STX2: variants seen among roughly 807,000 people sequenced by gnomAD.
STX2 encodes the protein syntaxin 2, also known as syntaxin-2.
Under a neutral mutation model 40.6 loss-of-function variants are expected in STX2, and 27 were observed. The observed-to-expected ratio is 0.66, with a 90% CI of 0.49 to 0.92. STX2 has a LOEUF of 0.92. Ranked by LOEUF, STX2 falls within the 40% of genes least tolerant of loss-of-function variation. The probability of loss-of-function intolerance (pLI) is 0.00; values close to 1 mark genes in which losing one functional copy is unlikely to be tolerated. For synonymous variants in STX2, 123 were observed against 119.1 expected (o/e 1.03, Z -0.22); for missense variants, 328 against 366.1 (o/e 0.90, Z 0.85).
intron 1 of STX2, among the ~76,000 whole-genome samples, chr12:130,828,867 CAAAAA>C (rs71451381): frequency 8.2e-6 from 1 of 121,610 alleles, no homozygotes; most frequent in African/African-American, 3.3e-5. Context: ...GACTCTGTCT[CAAAAA>C]AAAAAAAAAG....
At chr12:130,830,466 G>A (rs1187545352) in intron 1 of STX2, among the ~76,000 whole-genome samples, 4 of 152,114 alleles carry the variant, frequency 2.6e-5, no homozygotes, top group African/African-American at 9.7e-5. Flanking sequence ...CCACGGCACG[G>A]GCGGATTTTT....
chr12:130,836,908 G>A (rs772307739), intron 1 of STX2, among the ~76,000 whole-genome samples: 8 of 152,180 alleles, frequency 5.3e-5, no homozygotes, highest in Non-Finnish European at 1.2e-4. Flanking sequence ...TAGCTCTGCC[G>A]TTCTAGAACA....
At chr12:130,799,862 T>C (rs1951160328) in intron 8 of STX2, among the ~76,000 whole-genome samples, 1 of 151,704 alleles carries the variant, frequency 6.6e-6, no homozygotes, top group African/African-American at 2.4e-5. Flanking sequence ...TCACACACAT[T>C]CTCATTATAA....
chr12:130,824,206 G>A lies in STX2; in HGVS notation c.106-2418C>T, dbSNP rs577114854. 1.1e-3 allele frequency among the ~76,000 whole-genome samples: 169 copies of A among 152,204 alleles called. 1 individual carries two copies. Among genetic ancestry groups the A allele is most frequent in the African/African-American group, 3.7e-3 (154 of 41,536 alleles). Reference sequence around the variant, plus strand: ...AAAGTTCAAAACCAGCCTGGCCAGCGTGGCAAAATGCCGTCTCTACTAAAA... The same window carrying A: ...AAAGTTCAAAACCAGCCTGGCCAGCATGGCAAAATGCCGTCTCTACTAAAA... On this transcript the variant is annotated intron_variant, in intron 2 of 10. Transcript: ENST00000392373.
intron 3 of STX2, among the ~76,000 whole-genome samples, chr12:130,818,120 GCAGGGGAGGGGA>G (rs1447512804): frequency 6.2e-5 from 9 of 144,892 alleles, no homozygotes; most frequent in Non-Finnish European, 1.0e-4. Context: ...CCCATGCCCT[GCAGGGGAGGGGA>G]CAGGAGAGGG....
chr12:130,837,429 G>T (rs80297875), intron 1 of STX2, among the ~76,000 whole-genome samples: 1 of 152,090 alleles, frequency 6.6e-6, no homozygotes, highest in African/African-American at 2.4e-5. Context: ...GAGTAGCTGG[G>T]ACTACAGGTG....
rs372661767 is a variant in STX2, at chr12:130,818,034, G to A, written c.205+3655C>T. On this transcript the variant is annotated intron_variant, in intron 3 of 10. Transcript: ENST00000392373. The stretch of plus-strand genomic sequence containing the variant: ...AGGCCCTGCAGTGGGAGGGGATGCC[G>A]GAGCCTGGCCACGCAGCTCCTTACG... Among the ~76,000 whole-genome samples, 44 of 151,616 alleles carry A rather than the reference G, an allele frequency of 2.9e-4. 1 individual carries two copies. The highest frequency in any genetic ancestry group is 1.0e-3 in the African/African-American group (43 of 41,220).
At chr12:130,826,424 G>GC (rs572464991) in intron 2 of STX2, among the ~76,000 whole-genome samples, 58 of 152,310 alleles carry the variant, frequency 3.8e-4, no homozygotes, top group Non-Finnish European at 5.6e-4. Context: ...CGGTGCTCCT[G>GC]CAGCAGCCAG....
At chr12:130,825,282 C>T (rs1219850917) in intron 2 of STX2, among the ~76,000 whole-genome samples, 1 of 152,142 alleles carries the variant, frequency 6.6e-6, no homozygotes, top group African/African-American at 2.4e-5. Context: ...GGTGATCCAC[C>T]CACCTCGGAC....
Position 130,808,633 on chromosome 12 carries a change from G to A in STX2, c.352C>T (p.Gln118Ter). ...TCTAAACGAGGCTGATAGCAAACCT[G>A]GGTTCTTCGTATCCGAAGATCCACT... is the stretch of plus-strand genomic sequence containing the variant. ...TSVDLRIRRT[Q>*]HSVLSRKFVE... Residue 118 changes from glutamine to a stop codon, truncating the protein, a stop_gained and splice_region_variant, in exon 5 of 11, where the codon CAG becomes TAG. Coordinates refer to ENST00000392373, the MANE Select transcript of STX2 (RefSeq NM_194356.4). LOFTEE classifies it high-confidence loss of function. 1 of 1,612,696 alleles carries A rather than the reference G, an allele frequency of 6.2e-7. No individual in the cohort carries two copies. Among genetic ancestry groups the A allele is most frequent in the Non-Finnish European group, 8.5e-7 (1 of 1,179,588 alleles).
At position 130,791,624 on chromosome 12, in the gene STX2, T is replaced by G. The variant is rs187867040; in HGVS notation, c.*399A>C. 134 of 294,186 alleles carry G rather than the reference T, an allele frequency of 4.6e-4. No homozygotes were observed. The highest frequency in any genetic ancestry group is 2.8e-3 in the African/African-American group (130 of 46,246). The allele number at this position is 294,186 out of a possible 1,614,324, so 18.2% of individuals were successfully genotyped here. A position where few individuals can be genotyped will look rare whatever the true frequency, so the allele number is the denominator to read the frequency against. On this transcript the variant is annotated 3_prime_UTR_variant, in exon 11 of 11. Coordinates refer to ENST00000392373, the MANE Select transcript of STX2 (RefSeq NM_194356.4). ...TGAAATATTTTTAATATTAAAATGTTCAATATTTTCTTATTTCAAGGCCAG... is the reference window on the plus strand; with the variant it reads ...TGAAATATTTTTAATATTAAAATGTGCAATATTTTCTTATTTCAAGGCCAG...
intron 1 of STX2, among the ~76,000 whole-genome samples, chr12:130,829,844 G>A (rs1952489180): frequency 6.6e-6 from 1 of 152,140 alleles, no homozygotes; most frequent in African/African-American, 2.4e-5. Flanking sequence ...GGGTGGGGAG[G>A]AGGGGTGGAG....
At chr12:130,826,148 G>A (rs1952294555) in intron 2 of STX2, among the ~76,000 whole-genome samples, 1 of 152,188 alleles carries the variant, frequency 6.6e-6, no homozygotes, top group South Asian at 2.1e-4. Context: ...CAGCTGATCT[G>A]TCACCGATTT....
chr12:130,791,701 G>A lies in STX2; in HGVS notation c.*322C>T, dbSNP rs539745768. 145 of 527,288 alleles carry A rather than the reference G, an allele frequency of 2.7e-4. No individual in the cohort carries two copies. The highest frequency in any genetic ancestry group is 4.6e-4 in the Non-Finnish European group (137 of 298,040). The allele number at this position is 527,288 out of a possible 1,614,324, so 32.7% of individuals were successfully genotyped here. On this transcript the variant is annotated 3_prime_UTR_variant, in exon 11 of 11. Coordinates refer to ENST00000392373, the MANE Select transcript of STX2 (RefSeq NM_194356.4). ...TCTGTAGTGTGTCATTCAGGGTCACGCATCACACCCACTGTGCTTACGGCG... is the reference window on the plus strand; with the variant it reads ...TCTGTAGTGTGTCATTCAGGGTCACACATCACACCCACTGTGCTTACGGCG...
chr12:130,809,373 G>A (rs537329472), intron 4 of STX2, among the ~76,000 whole-genome samples: 1 of 152,264 alleles, frequency 6.6e-6, no homozygotes, highest in East Asian at 1.9e-4. Context: ...GAAGAAAGAA[G>A]CTAGACTCCG....
At chr12:130,796,949 G>A (rs7978987) in intron 9 of STX2, among the ~76,000 whole-genome samples, 52,624 of 152,082 alleles carry the variant, frequency 0.35, 9,430 homozygotes, top group Middle Eastern at 0.4. Context: ...CAGGACACTA[G>A]GAGTGGGGAC....
chr12:130,798,410 A>G (rs1951100747), intron 9 of STX2, 115 bp downstream of exon 9: 2 of 580,078 alleles, frequency 3.4e-6, no homozygotes, highest in East Asian at 3.5e-5. Flanking sequence ...AAAATAAAAC[A>G]TTTATTAATT....
At chr12:130,838,323 G>T (rs745911400) in intron 1 of STX2, among the ~76,000 whole-genome samples, 1 of 152,240 alleles carries the variant, frequency 6.6e-6, no homozygotes, top group Non-Finnish European at 1.5e-5. Context: ...CTTTACACGT[G>T]TAGAATGCAT....
chr12:130,796,350 C>T (rs756584264), intron 9 of STX2, among the ~76,000 whole-genome samples: 3 of 151,980 alleles, frequency 2.0e-5, no homozygotes, highest in Admixed American at 6.6e-5. Context: ...AAAAACCAGC[C>T]GGGCGTGGGT....
Sources: gnomAD v4.1 joint callset for allele counts (sites outside exome capture counted in the v4.1 genomes callset) on GRCh38, gnomAD v4.1.1 for gene constraint, MANE v1.5 for transcripts, NCBI Gene and HGNC (gene_info 2026-07-23, HGNC 2026-07-21) for gene names.